EDNRB: variants seen among roughly 807,000 people sequenced by gnomAD.
EDNRB encodes the protein Hirschsprung disease 2.
A neutral mutation model predicts 46.4 loss-of-function variants in EDNRB; 18 were observed. The ratio of observed to expected loss-of-function variants is 0.39; its 90% CI spans 0.27 to 0.57. The LOEUF is 0.57. EDNRB is among the 20% of genes least tolerant of loss of function. The pLI is 0.61. For missense variants in EDNRB, 434 were observed against 537.5 expected, an observed-to-expected ratio of 0.81 and a Z score of 1.90; for synonymous variants, 213 against 204.9, an observed-to-expected ratio of 1.04 and a Z score of -0.34.
chr13:77,897,463 ATT>A lies in EDNRB; in HGVS notation c.*735_*736del. On this transcript the variant is annotated 3_prime_UTR_variant, in exon 7 of 7. Transcript: ENST00000646607. The stretch of plus-strand genomic sequence containing the variant: ...TTAACTGAATGTAAAGGATGTAATA[ATT>A]TTCTTTTTAAAAGTATTATATTTTA... The A allele has an allele frequency of 2.0e-6, 2 of 983,226 alleles. No homozygotes were observed. The highest frequency in any genetic ancestry group is 2.4e-6 in the Non-Finnish European group (2 of 828,078). The allele number at this position is 983,226 out of a possible 1,614,324, so 60.9% of individuals were successfully genotyped here.
intron 1 of EDNRB, among the ~76,000 whole-genome samples, chr13:77,933,229 G>C (rs548353015): frequency 6.6e-5 from 10 of 152,140 alleles, no homozygotes; most frequent in Non-Finnish European, 1.3e-4. Flanking sequence ...AGTTTCATGC[G>C]CGTCCGTGTG....
At chr13:77,904,732 C>T (rs1002975783) in intron 1 of EDNRB, among the ~76,000 whole-genome samples, 1 of 151,918 alleles carries the variant, frequency 6.6e-6, no homozygotes, top group African/African-American at 2.4e-5. Context: ...GTGTCCCACA[C>T]TGGTAAATGA....
rs752856831 is a variant in EDNRB, at chr13:77,918,467, G to T, written c.107C>A (p.Ala36Asp). The T allele has an allele frequency of 1.3e-6, 2 of 1,562,272 alleles. No individual in the cohort carries two copies. Among genetic ancestry groups the T allele is most frequent in the Non-Finnish European group, 8.6e-7 (1 of 1,157,928 alleles). ...GEERGFPPDR[A>D]TPLLQTAEIM... is the part of the protein sequence containing the mutation. ...CTCTGCGGTTTGCAAAAGCGGAGTG[G>T]CCCTGTCAGGCGGGAAGCCTCTCTC... Residue 36 changes from alanine to aspartate, a missense_variant, in exon 1 of 7, where the codon GCC becomes GAC. Ala to Asp is a moderately radical substitution (Grantham distance 126). Coordinates refer to ENST00000646607, the MANE Select transcript of EDNRB (RefSeq NM_001122659.3). The surrounding 1 kb of genome is among the most constrained non-coding windows in gnomAD (Gnocchi z 4.5).
chr13:77,912,877 T>C lies in EDNRB; in HGVS notation c.483+5214A>G, dbSNP rs943866586. On this transcript the variant is annotated intron_variant, in intron 1 of 6. Transcript: ENST00000646607. ...TACTTGACTGGAAATGAGAACATTG[T>C]TATTAAACTGGGATAAATTAGACTC... 1.3e-5 allele frequency among the ~76,000 whole-genome samples: 2 copies of C among 152,122 alleles called. 1 individual carries two copies. The highest frequency in any genetic ancestry group is 6.3e-3 in the Middle Eastern group (2 of 316).
chr13:77,903,355 C>A lies in EDNRB; in HGVS notation c.602G>T (p.Arg201Leu). The change falls in exon 3 of 7, where the codon CGA (arginine) becomes CTA (leucine). Residue 201 changes from arginine to leucine, a missense_variant. Physicochemically the swap from Arg to Leu is moderately radical, Grantham distance 102. Coordinates refer to ENST00000646607, the MANE Select transcript of EDNRB (RefSeq NM_001122659.3). ...SLCALSIDRY[R>L]AVASWSRIKG... ...AATTCTACTCCAAGAAGCAACAGCT[C>A]GATATCTGAAGATAAAAATAGAATT... 6.2e-7 allele frequency: 1 copy of A among 1,612,658 alleles called. No homozygotes were observed. Among genetic ancestry groups the A allele is most frequent in the Non-Finnish European group, 8.5e-7 (1 of 1,179,284 alleles).
chr13:77,914,952 G>T (rs1400857671), intron 1 of EDNRB, among the ~76,000 whole-genome samples: 1 of 152,156 alleles, frequency 6.6e-6, no homozygotes, highest in East Asian at 1.9e-4. Context: ...GCCAACAAGA[G>T]AGTAGGAGAA....
chr13:77,919,076 A>G (rs1879976405), upstream of EDNRB: 5 of 496,844 alleles, frequency 1.0e-5, no homozygotes, highest in Non-Finnish European at 1.6e-5. Flanking sequence ...CCCGCGATTG[A>G]ACTCGAAAGA....
intron 1 of EDNRB, among the ~76,000 whole-genome samples, chr13:77,906,766 A>C (rs1879302101): frequency 1.3e-5 from 2 of 151,948 alleles, no homozygotes; most frequent in Admixed American, 1.3e-4. Flanking sequence ...CAACTAAGCC[A>C]CTCCTTAATT....
At position 77,901,127 on chromosome 13, in the gene EDNRB, T is replaced by C. The variant is rs1301135087; in HGVS notation, c.882A>G (p.Thr294=). ...LPLAITAFFY[T]LMTCEMLRKK... Reference sequence around the variant, plus strand: ...TTCTCAACATTTCACAGGTCATTAGTGTATAAAAAAATGCAGTGATGGCCA... The same window carrying C: ...TTCTCAACATTTCACAGGTCATTAGCGTATAAAAAAATGCAGTGATGGCCA... The change falls in exon 4 of 7, where the codon ACA becomes ACG. Residue 294 remains threonine, a synonymous_variant. Transcript: ENST00000646607. 6.2e-7 allele frequency: 1 copy of C among 1,611,506 alleles called. No individual in the cohort carries two copies.
Position 77,918,133 on chromosome 13 carries a change from G to A in EDNRB, c.441C>T (p.Asp147=), listed in dbSNP as rs775623253. The A allele has an allele frequency of 6.2e-7, 1 of 1,614,154 alleles. No individual in the cohort carries two copies. Among genetic ancestry groups the A allele is most frequent in the East Asian group, 2.2e-5 (1 of 44,870 alleles). ...NILIASLALG[D]LLHIVIDIPI... ...GGATGTCAATGACGATGTGCAGCAGGTCTCCCAGAGCCAAGCTGGCGATCA... is the reference window on the plus strand; with the variant it reads ...GGATGTCAATGACGATGTGCAGCAGATCTCCCAGAGCCAAGCTGGCGATCA... Residue 147 remains aspartate (D), a synonymous_variant, in exon 1 of 7, where the codon GAC becomes GAT. Transcript: ENST00000646607. This position sits in a 1 kb window ranked among gnomAD's most constrained non-coding sequence, Gnocchi z 4.5.
intron 1 of EDNRB, among the ~76,000 whole-genome samples, chr13:77,927,886 G>A (rs997487012): frequency 6.6e-6 from 1 of 152,170 alleles, no homozygotes; most frequent in Non-Finnish European, 1.5e-5. Context: ...GAATCATGGG[G>A]GTGAGTTTTT....
chr13:77,920,947 C>A (rs1466396817), upstream of EDNRB, among the ~76,000 whole-genome samples: 2 of 152,154 alleles, frequency 1.3e-5, no homozygotes, highest in Admixed American at 1.3e-4. Flanking sequence ...TTCTCTCTCC[C>A]CACTGGCCTT....
At chr13:77,931,781 A>T (rs951620835) in intron 1 of EDNRB, among the ~76,000 whole-genome samples, 4 of 151,354 alleles carry the variant, frequency 2.6e-5, no homozygotes, top group Admixed American at 6.6e-5. Context: ...AAAACAAAAA[A>T]AACCTCCTCT....
chr13:77,940,286 A>C (rs1244396919), intron 1 of EDNRB, among the ~76,000 whole-genome samples: 1 of 151,620 alleles, frequency 6.6e-6, no homozygotes, highest in Non-Finnish European at 1.5e-5. Context: ...GAGGGAAGAC[A>C]TAAAAGAGGA....
chr13:77,933,365 T>A (rs1459595740), intron 1 of EDNRB, among the ~76,000 whole-genome samples: 12 of 151,904 alleles, frequency 7.9e-5, no homozygotes, highest in African/African-American at 2.7e-4. Context: ...AAGATTTGGG[T>A]AGGTAAAGGA....
At chr13:77,917,098 G>A (rs748686823) in intron 1 of EDNRB, among the ~76,000 whole-genome samples, 8 of 152,048 alleles carry the variant, frequency 5.3e-5, no homozygotes, top group African/African-American at 1.2e-4. Context: ...GTTAACTACC[G>A]AAACCCTTAC....
chr13:77,928,104 A>C (rs1880290410), intron 1 of EDNRB, among the ~76,000 whole-genome samples: 1 of 152,232 alleles, frequency 6.6e-6, no homozygotes, highest in Middle Eastern at 3.2e-3. Flanking sequence ...ACCCAGTCTC[A>C]CATATGTCTT....
intron 1 of EDNRB, among the ~76,000 whole-genome samples, chr13:77,958,547 T>A (rs1277264653): frequency 1.3e-5 from 2 of 152,140 alleles, no homozygotes; most frequent in African/African-American, 4.8e-5. Context: ...CAATTTTTTG[T>A]ATTTTTTCAG....
intron 1 of EDNRB, among the ~76,000 whole-genome samples, chr13:77,905,697 A>G (rs774745820): frequency 1.3e-5 from 2 of 151,998 alleles, no homozygotes; most frequent in Non-Finnish European, 2.9e-5. Context: ...AAGAGACAGC[A>G]TTTGAGGAGA....
Sources: gnomAD v4.1 joint callset for allele counts (sites outside exome capture counted in the v4.1 genomes callset) on GRCh38, gnomAD v4.1.1 for gene constraint, Gnocchi (gnomAD v3.1) non-coding constraint, MANE v1.5 for transcripts, NCBI Gene and HGNC (gene_info 2026-07-23, HGNC 2026-07-21) for gene names.